SREBF2: variants seen among roughly 807,000 people sequenced by gnomAD.
The protein encoded by SREBF2 is sterol regulatory element-binding protein 2.
SREBF2 carries 55 observed loss-of-function variants against 113.1 expected under a neutral mutation model. That is an observed-to-expected ratio of 0.49 (90% CI 0.39 to 0.61). The LOEUF (loss-of-function observed/expected upper bound fraction) is 0.61. Ranked by LOEUF, SREBF2 falls within the 20% of genes least tolerant of loss-of-function variation. The pLI, the probability that SREBF2 is intolerant of heterozygous loss-of-function variation, is 0.00. For synonymous variants in SREBF2, 593 were observed against 605.7 expected, an observed-to-expected ratio of 0.98 and a Z score of 0.31; for missense variants, 1,349 against 1,487.4, an observed-to-expected ratio of 0.91 and a Z score of 1.53.
chr22:41,899,290 C>T (rs758909845), intron 15 of SREBF2: 5 of 1,057,150 alleles, frequency 4.7e-6, no homozygotes, highest in Non-Finnish European at 5.7e-6. Context: ...ACTAAAATAG[C>T]CTTTAGCACA....
chr22:41,894,972 C>A, intron 13 of SREBF2, 35 bp downstream of exon 13: 2 of 1,566,756 alleles, frequency 1.3e-6, no homozygotes, highest in South Asian at 2.2e-5. Context: ...TGCCTTAGGA[C>A]CTGTCCACGC....
At chr22:41,880,339 G>A (rs1289997637) in intron 9 of SREBF2, among the ~76,000 whole-genome samples, 1 of 149,198 alleles carries the variant, frequency 6.7e-6, no homozygotes, top group East Asian at 2.0e-4. Context: ...ATCACTTGAG[G>A]TCAGGAGTTC....
chr22:41,876,669 C>T (rs2077200370), intron 7 of SREBF2, among the ~76,000 whole-genome samples: 1 of 152,108 alleles, frequency 6.6e-6, no homozygotes, highest in Non-Finnish European at 1.5e-5. Flanking sequence ...TAAATACGGT[C>T]TTTGATCAAC....
chr22:41,850,546 TC>T (rs2076918531), intron 1 of SREBF2, among the ~76,000 whole-genome samples: 1 of 152,158 alleles, frequency 6.6e-6, no homozygotes, highest in Non-Finnish European at 1.5e-5. Flanking sequence ...TTACAGCTTT[TC>T]CCCAAGTTGT....
At position 41,880,954 on chromosome 22, in the gene SREBF2, C is replaced by G; in HGVS notation, c.2000C>G (p.Ala667Gly). ...GCTAAGACCAGCGCCCGGGATGCGG[C>G]TCTGGCCTATCACCGGCTGCACCAG... The part of the protein sequence containing the change: ...DEAKTSARDA[A>G]LAYHRLHQLH... Residue 667 changes from alanine to glycine, a missense_variant, in exon 10 of 19, where the codon GCT (alanine) becomes GGT (glycine). By Grantham distance (60) the Ala-to-Gly change is moderately conservative (BLOSUM62 0). This residue lies in a region of SREBF2 where 650 missense variants were observed against 644.1 expected (regional missense o/e 1.01). Transcript: ENST00000361204. The G allele has an allele frequency of 6.2e-7, 1 of 1,611,134 alleles. No homozygotes were observed. Among genetic ancestry groups the G allele is most frequent in the Non-Finnish European group, 8.5e-7 (1 of 1,180,012 alleles).
intron 16 of SREBF2, chr22:41,900,853 G>C: frequency 2.0e-6 from 1 of 511,180 alleles, no homozygotes; most frequent in Non-Finnish European, 3.9e-6. Context: ...AGGCAGCCTT[G>C]GAGTGGGTTC....
rs146144201 is a variant in SREBF2, at chr22:41,858,355, A to G, written c.89-8476A>G. 8.5e-5 allele frequency among the ~76,000 whole-genome samples: 13 copies of G among 152,366 alleles called. No homozygotes were observed. In the East Asian group the frequency reaches 2.3e-3, roughly 27 times the overall value. On this transcript the variant is annotated intron_variant, in intron 1 of 18. Transcript: ENST00000361204. Reference sequence around the variant, plus strand: ...TGAGGGTTTTTCTTAAGCGTTACACAGAAGCCATGTAATTTCACTATACAA... The same window carrying G: ...TGAGGGTTTTTCTTAAGCGTTACACGGAAGCCATGTAATTTCACTATACAA...
intron 15 of SREBF2, chr22:41,899,125 C>A: frequency 1.2e-6 from 1 of 818,552 alleles, no homozygotes; most frequent in Non-Finnish European, 1.7e-6. Context: ...GTGGTGGAGG[C>A]AGGCACTGGT....
At chr22:41,883,682 C>T (rs1299182074) in intron 10 of SREBF2, among the ~76,000 whole-genome samples, 2 of 152,180 alleles carry the variant, frequency 1.3e-5, no homozygotes, top group African/African-American at 4.8e-5. Context: ...GTGTCTCCTG[C>T]AGGAGGAACA....
In SREBF2 at chr22:41,877,310, C is replaced by G. The variant is rs1450808602; in HGVS notation, c.1468C>G (p.Leu490Val). The G allele has an allele frequency of 1.2e-6, 2 of 1,614,238 alleles. No individual in the cohort carries two copies. The highest frequency in any genetic ancestry group is 2.2e-5 in the South Asian group (2 of 91,088). Residue 490 changes from leucine (L) to valine (V), a missense_variant, in exon 8 of 19, where the codon CTG becomes GTG. Around this residue, in one of 2 missense-constraint regions of SREBF2, gnomAD observed 699 missense variants for 843.3 expected, o/e 0.83. Coordinates refer to ENST00000361204, the MANE Select transcript of SREBF2 (RefSeq NM_004599.4). ...SRILLCVLTF[L>V]CLSFNPLTSL... ...GATTCTTCTGTGTGTCCTCACCTTC[C>G]TGTGCCTCTCCTTTAACCCCCTGAC...
chr22:41,853,844 G>A (rs1465196237), intron 1 of SREBF2, among the ~76,000 whole-genome samples: 1 of 151,972 alleles, frequency 6.6e-6, no homozygotes, highest in Non-Finnish European at 1.5e-5. Context: ...GACCATCCTG[G>A]CTAACACGGT....
chr22:41,850,480 C>G (rs1454001842), intron 1 of SREBF2, among the ~76,000 whole-genome samples: 3 of 151,676 alleles, frequency 2.0e-5, no homozygotes, highest in African/African-American at 7.3e-5. Context: ...GACATGATTA[C>G]CTAAGTGCCC....
intron 3 of SREBF2, among the ~76,000 whole-genome samples, chr22:41,869,197 C>T (rs947490021): frequency 1.3e-5 from 2 of 152,114 alleles, no homozygotes; most frequent in African/African-American, 2.4e-5. Context: ...CTCCGCCTCC[C>T]GGGTTCAAGC....
intron 1 of SREBF2, among the ~76,000 whole-genome samples, chr22:41,848,169 T>C (rs1052265790): frequency 6.6e-6 from 1 of 152,142 alleles, no homozygotes; most frequent in African/African-American, 2.4e-5. Flanking sequence ...GTTACATATG[T>C]ATACATGTGC....
At chr22:41,879,831 C>A (rs1019897477) in intron 9 of SREBF2, among the ~76,000 whole-genome samples, 2 of 152,164 alleles carry the variant, frequency 1.3e-5, no homozygotes, top group Non-Finnish European at 2.9e-5. Context: ...CGTAGACTCT[C>A]CATTAGACCC....
At chr22:41,849,050 G>A (rs558400883) in intron 1 of SREBF2, among the ~76,000 whole-genome samples, 16 of 152,128 alleles carry the variant, frequency 1.1e-4, no homozygotes, top group Non-Finnish European at 2.1e-4. Flanking sequence ...ATATACATAC[G>A]TATATATACA....
chr22:41,890,877 C>T (rs1331832141), intron 11 of SREBF2, among the ~76,000 whole-genome samples: 2 of 151,290 alleles, frequency 1.3e-5, no homozygotes, highest in African/African-American at 4.9e-5. Flanking sequence ...CACTGCACTC[C>T]AGCCTGGGTG....
chr22:41,892,660 A>G (rs2077375419), intron 11 of SREBF2, among the ~76,000 whole-genome samples: 1 of 151,694 alleles, frequency 6.6e-6, no homozygotes, highest in Non-Finnish European at 1.5e-5. Flanking sequence ...AAAAAAAAAA[A>G]AAAAAAAATG....
intron 15 of SREBF2, chr22:41,900,047 T>C (rs2077451905): frequency 7.4e-7 from 1 of 1,357,628 alleles, no homozygotes. Context: ...CACGTTGGAA[T>C]GACTATCTTG....
Sources: gnomAD v4.1 joint callset for allele counts (sites outside exome capture counted in the v4.1 genomes callset) on GRCh38, gnomAD v4.1.1 for gene constraint, gnomAD v4.1.1 regional missense constraint, MANE v1.5 for transcripts, NCBI Gene and HGNC (gene_info 2026-07-23, HGNC 2026-07-21) for gene names.